MAML3: variants seen among roughly 807,000 people sequenced by gnomAD.
MAML3 encodes the protein mastermind like transcriptional coactivator 3.
In MAML3, 27 loss-of-function variants were observed where a neutral mutation model predicts 101.9. That is an observed-to-expected ratio of 0.27 (90% CI 0.20 to 0.37). The LOEUF (loss-of-function observed/expected upper bound fraction) is 0.37, where lower values mean the gene tolerates loss of function less well. Ranked by LOEUF, MAML3 falls within the 10% of genes least tolerant of loss-of-function variation. The pLI is 1.00. For synonymous variants in MAML3, 501 were observed against 555.9 expected (o/e 0.90, Z 1.39); for missense variants, 1,316 against 1,444.9 (o/e 0.91, Z 1.45).
chr4:139,983,393 A>T (rs1398750003), intron 1 of MAML3, among the ~76,000 whole-genome samples: 1 of 152,240 alleles, frequency 6.6e-6, no homozygotes, highest in East Asian at 1.9e-4. Context: ...TACCTATGTT[A>T]TAATAGAGAG....
intron 2 of MAML3, among the ~76,000 whole-genome samples, chr4:139,853,716 T>C (rs1731601745): frequency 6.6e-6 from 1 of 152,166 alleles, no homozygotes; most frequent in Non-Finnish European, 1.5e-5. Flanking sequence ...GAAACTTCAT[T>C]ACCTTCCAAG....
At position 139,735,547 on chromosome 4, in the gene MAML3, A is replaced by C. The variant is rs939599272; in HGVS notation, c.2080-4880T>G. 6.6e-6 allele frequency among the ~76,000 whole-genome samples: 1 copy of C among 152,064 alleles called. No homozygotes were observed. Among genetic ancestry groups the C allele is most frequent in the Non-Finnish European group, 1.5e-5 (1 of 67,994 alleles). The stretch of plus-strand genomic sequence containing the variant: ...CCGGGTTCCAGGACCCCAGCTGCAC[A>C]AAGCCGGCCCGGGGAGGGGGCGATA... On this transcript the variant is annotated intron_variant, in intron 2 of 4. Transcript: ENST00000509479. This position sits in a 1 kb window ranked among gnomAD's most constrained non-coding sequence, Gnocchi z 5.8.
intron 2 of MAML3, among the ~76,000 whole-genome samples, chr4:139,865,494 T>G (rs935071673): frequency 5.8e-5 from 7 of 121,038 alleles, no homozygotes; most frequent in African/African-American, 1.8e-4. Flanking sequence ...GGTTTTTTTT[T>G]TGTTTTTTTT....
rs557383091 is a variant in MAML3, at chr4:140,119,678, G to T, written c.468+33182C>A. Among the ~76,000 whole-genome samples the T allele has an allele frequency of 1.0e-4, 14 of 140,416 alleles. No individual in the cohort carries two copies. The East Asian group carries it at 2.9e-3, about 29-fold the overall frequency. The allele number at this position is 140,416 out of a possible 152,430, so 92.1% of individuals were successfully genotyped here. A position where few individuals can be genotyped will look rare whatever the true frequency, so the allele number is the denominator to read the frequency against. On this transcript the variant is annotated intron_variant, in intron 1 of 4. Transcript: ENST00000509479. ...TCTTTCACCCAGGCTATACAGCACG[G>T]TGGCACAATCATAGCTCACTGCAGC...
At chr4:139,945,192 T>G (rs1259121458) in intron 1 of MAML3, among the ~76,000 whole-genome samples, 1 of 152,196 alleles carries the variant, frequency 6.6e-6, no homozygotes, top group Non-Finnish European at 1.5e-5. Flanking sequence ...GGCTATTAAG[T>G]AAAAATGAGC....
At chr4:139,746,909 C>T (rs1302151080) in intron 2 of MAML3, among the ~76,000 whole-genome samples, 1 of 152,032 alleles carries the variant, frequency 6.6e-6, no homozygotes, top group African/African-American at 2.4e-5. Context: ...GGGTTGCTGG[C>T]GTCTGCTGTC....
chr4:139,942,627 C>G (rs917749337), intron 1 of MAML3, among the ~76,000 whole-genome samples: 1 of 151,674 alleles, frequency 6.6e-6, no homozygotes, highest in African/African-American at 2.4e-5. Context: ...GATATAATTT[C>G]ATTACTTTTT....
At chr4:139,966,615 T>C (rs1734135536) in intron 1 of MAML3, among the ~76,000 whole-genome samples, 1 of 152,262 alleles carries the variant, frequency 6.6e-6, no homozygotes, top group Non-Finnish European at 1.5e-5. Context: ...TACGTGTTTC[T>C]GACCGATGCC....
chr4:139,744,862 G>A (rs1361903947), intron 2 of MAML3, among the ~76,000 whole-genome samples: 2 of 152,202 alleles, frequency 1.3e-5, no homozygotes, highest in African/African-American at 2.4e-5. Context: ...GACCAGACCC[G>A]GGATGGGCAG....
intron 3 of MAML3, among the ~76,000 whole-genome samples, chr4:139,729,963 T>C (rs947151483): frequency 1.3e-5 from 2 of 152,266 alleles, no homozygotes; most frequent in African/African-American, 4.8e-5. Context: ...CCATTGTTCA[T>C]TACCCATTCT....
Position 140,135,773 on chromosome 4 carries a change from T to C in MAML3, c.468+17087A>G, listed in dbSNP as rs57082475. Among the ~76,000 whole-genome samples, 481 of 152,382 alleles carry C rather than the reference T, an allele frequency of 3.2e-3. 4 individuals are homozygous for C. The highest frequency in any genetic ancestry group is 0.011 in the African/African-American group (455 of 41,594). ...TGTCCTGCTGCAACAGTGGGGCCTG[T>C]CTTCAGTGTCCCCATGTGCTGCACA... On this transcript the variant is annotated intron_variant, in intron 1 of 4. Coordinates refer to ENST00000509479, the MANE Select transcript of MAML3 (RefSeq NM_018717.5).
At chr4:139,826,882 C>A (rs977794189) in intron 2 of MAML3, among the ~76,000 whole-genome samples, 1 of 151,912 alleles carries the variant, frequency 6.6e-6, no homozygotes, top group African/African-American at 2.4e-5. Context: ...ATCAAAAGAA[C>A]GCCACTCTCA....
intron 1 of MAML3, among the ~76,000 whole-genome samples, chr4:139,972,142 G>C (rs1012147877): frequency 3.3e-5 from 5 of 151,988 alleles, no homozygotes; most frequent in African/African-American, 1.2e-4. Flanking sequence ...ATGGTGGTTT[G>C]TTGCACAGAT....
chr4:140,153,307 G>A lies in MAML3; in HGVS notation c.21C>T (p.Pro7=), dbSNP rs1335597541. Residue 7 remains proline (P), a synonymous_variant, in exon 1 of 5, where the codon CCC becomes CCT. Coordinates refer to ENST00000509479, the MANE Select transcript of MAML3 (RefSeq NM_018717.5). ...TACTACTGCCATTCGCGGCAGCAGC[G>A]GGGGCTGCGAAATCCCCCATCCTGC... is the stretch of plus-strand genomic sequence containing the variant. The part of the protein sequence containing the change: MGDFAA[P]AAAANGSSIC... 6.3e-7 allele frequency: 1 copy of A among 1,595,266 alleles called. No individual in the cohort carries two copies. Among genetic ancestry groups the A allele is most frequent in the South Asian group, 1.1e-5 (1 of 88,948 alleles).
At chr4:139,861,355 A>G (rs1219164802) in intron 2 of MAML3, among the ~76,000 whole-genome samples, 1 of 151,618 alleles carries the variant, frequency 6.6e-6, no homozygotes, top group Admixed American at 6.6e-5. Flanking sequence ...CTGCTTCTTA[A>G]TTTTTCTCTC....
rs1728924869 is a variant in MAML3, at chr4:139,735,939, C to T, written c.2080-5272G>A. On this transcript the variant is annotated intron_variant, in intron 2 of 4. Coordinates refer to ENST00000509479, the MANE Select transcript of MAML3 (RefSeq NM_018717.5). This position sits in a 1 kb window ranked among gnomAD's most constrained non-coding sequence, Gnocchi z 5.8. ...CGCCGCTCGGGAGCCCGCGAGGCTG[C>T]GGTGTGCTCCAGCGGGCGCATTTCC... is the stretch of plus-strand genomic sequence containing the variant. 6.6e-6 allele frequency among the ~76,000 whole-genome samples: 1 copy of T among 152,078 alleles called. No homozygotes were observed. Among genetic ancestry groups the T allele is most frequent in the South Asian group, 2.1e-4 (1 of 4,834 alleles).
intron 1 of MAML3, among the ~76,000 whole-genome samples, chr4:140,050,567 G>A (rs938849344): frequency 1.3e-5 from 2 of 152,156 alleles, no homozygotes; most frequent in Non-Finnish European, 2.9e-5. Flanking sequence ...GCAGCCATGT[G>A]TTCCACTGCC....
intron 2 of MAML3, among the ~76,000 whole-genome samples, chr4:139,783,257 C>G (rs1263944804): frequency 6.6e-6 from 1 of 152,220 alleles, no homozygotes; most frequent in African/African-American, 2.4e-5. Flanking sequence ...CTTCACCAGG[C>G]AGATGGCTAA....
chr4:139,788,567 C>G (rs1335076655), intron 2 of MAML3, among the ~76,000 whole-genome samples: 1 of 152,088 alleles, frequency 6.6e-6, no homozygotes, highest in Non-Finnish European at 1.5e-5. Flanking sequence ...GCTAAAACTG[C>G]TAGGTGCCTA....
Sources: gnomAD v4.1 joint callset for allele counts (sites outside exome capture counted in the v4.1 genomes callset) on GRCh38, gnomAD v4.1.1 for gene constraint, Gnocchi (gnomAD v3.1) non-coding constraint, MANE v1.5 for transcripts, NCBI Gene and HGNC (gene_info 2026-07-23, HGNC 2026-07-21) for gene names.